RIC8B: variants seen among roughly 807,000 people sequenced by gnomAD.
The protein encoded by RIC8B is RIC8 guanine nucleotide exchange factor B.
A neutral mutation model predicts 57.5 loss-of-function variants in RIC8B; 16 were observed. The ratio of observed to expected loss-of-function variants is 0.28; its 90% CI spans 0.19 to 0.42. The LOEUF is 0.42. Ranked by LOEUF, RIC8B falls within the 10% of genes least tolerant of loss-of-function variation. RIC8B has a pLI of 1.00. For synonymous variants in RIC8B, 216 were observed against 250.8 expected (o/e 0.86, Z 1.31); for missense variants, 481 against 677.0 (o/e 0.71, Z 3.21).
chr12:106,826,135 T>C (rs1009828146), intron 4 of RIC8B, among the ~76,000 whole-genome samples: 2 of 152,234 alleles, frequency 1.3e-5, no homozygotes, highest in Non-Finnish European at 2.9e-5. Context: ...TATTGAACAC[T>C]TAACTCTGTG....
intron 2 of RIC8B, among the ~76,000 whole-genome samples, chr12:106,799,524 C>T (rs994464342): frequency 2.6e-5 from 4 of 152,186 alleles, no homozygotes; most frequent in Admixed American, 6.5e-5. Flanking sequence ...GCTTTTTTTA[C>T]TTCAACTATA....
intron 4 of RIC8B, among the ~76,000 whole-genome samples, chr12:106,830,950 G>A (rs1431056282): frequency 6.6e-6 from 1 of 152,196 alleles, no homozygotes; most frequent in East Asian, 1.9e-4. Flanking sequence ...AAAGGGCAAT[G>A]TAAGTATGGT....
intron 3 of RIC8B, among the ~76,000 whole-genome samples, chr12:106,816,250 T>C (rs1477282284): frequency 1.3e-5 from 2 of 152,214 alleles, no homozygotes; most frequent in Non-Finnish European, 2.9e-5. Flanking sequence ...TTGAAACACT[T>C]CTCACCCATG....
intron 1 of RIC8B, among the ~76,000 whole-genome samples, chr12:106,782,531 C>T (rs970312633): frequency 2.0e-5 from 3 of 152,176 alleles, no homozygotes; most frequent in Admixed American, 6.5e-5. Context: ...ACACCTCCGT[C>T]GTAGTCTTCC....
chr12:106,869,992 G>C (rs993100301), intron 8 of RIC8B, among the ~76,000 whole-genome samples: 1 of 151,832 alleles, frequency 6.6e-6, no homozygotes, highest in African/African-American at 2.4e-5. Context: ...ACAAGATACT[G>C]TGATCTCTTG....
Position 106,888,429 on chromosome 12 carries a change from C to G in RIC8B, c.*2414C>G, listed in dbSNP as rs937414880. The G allele has an allele frequency of 6.6e-6, 1 of 152,584 alleles. No individual in the cohort carries two copies. The highest frequency in any genetic ancestry group is 1.5e-5 in the Non-Finnish European group (1 of 68,076). 9.5% of individuals were successfully genotyped at this position (152,584 alleles called of 1,614,324 possible). A position where few individuals can be genotyped will look rare whatever the true frequency, so the allele number is the denominator to read the frequency against. On this transcript the variant is annotated 3_prime_UTR_variant, in exon 10 of 10. Transcript: ENST00000392837. ...CCTTATCGCATATGAAAGATCCTCT[C>G]CAGAAAGCTTATGAAAGTTACCCCA...
intron 4 of RIC8B, among the ~76,000 whole-genome samples, chr12:106,830,903 A>G (rs2046326594): frequency 6.6e-6 from 1 of 152,194 alleles, no homozygotes; most frequent in African/African-American, 2.4e-5. Flanking sequence ...GTTTCCCAGT[A>G]AATTAATTAT....
At chr12:106,838,011 C>T (rs2046695653) in intron 4 of RIC8B, among the ~76,000 whole-genome samples, 1 of 152,102 alleles carries the variant, frequency 6.6e-6, no homozygotes, top group South Asian at 2.1e-4. Context: ...ACACAAAAAG[C>T]TGTACATAGT....
intron 2 of RIC8B, among the ~76,000 whole-genome samples, chr12:106,790,330 A>ATTTAAG: frequency 6.6e-6 from 1 of 152,330 alleles, no homozygotes; most frequent in South Asian, 2.1e-4. Context: ...AGGTAACTAG[A>ATTTAAG]TTTAAGTTGG....
intron 7 of RIC8B, among the ~76,000 whole-genome samples, chr12:106,858,402 C>G (rs145324424): frequency 0.014 from 2,072 of 152,144 alleles, 20 homozygotes; most frequent in South Asian, 0.033. Context: ...GATCTGTGAT[C>G]CTTTGCCTTC....
chr12:106,802,921 T>G (rs2044802731), intron 2 of RIC8B, among the ~76,000 whole-genome samples: 1 of 151,888 alleles, frequency 6.6e-6, no homozygotes, highest in South Asian at 2.1e-4. Flanking sequence ...TTAAAAAAAA[T>G]GAACAGGGCT....
chr12:106,838,168 A>G (rs1371088190), intron 4 of RIC8B, among the ~76,000 whole-genome samples: 1 of 152,222 alleles, frequency 6.6e-6, no homozygotes, highest in African/African-American at 2.4e-5. Flanking sequence ...GAAAGAGTCC[A>G]GAAATAAACT....
chr12:106,833,906 G>A (rs754389096), intron 4 of RIC8B, among the ~76,000 whole-genome samples: 4 of 152,084 alleles, frequency 2.6e-5, no homozygotes, highest in Non-Finnish European at 5.9e-5. Flanking sequence ...TCGAGATCTA[G>A]CTGTTAAAAG....
chr12:106,844,275 G>GT (rs1043397615), intron 6 of RIC8B, among the ~76,000 whole-genome samples: 2 of 152,180 alleles, frequency 1.3e-5, no homozygotes, highest in Admixed American at 6.5e-5. Context: ...CTGAAGAAAG[G>GT]TAAAGCATTT....
At chr12:106,819,090 C>A (rs1004032958) in intron 3 of RIC8B, among the ~76,000 whole-genome samples, 3 of 152,116 alleles carry the variant, frequency 2.0e-5, no homozygotes, top group African/African-American at 7.2e-5. Context: ...AACTATTCTT[C>A]ATTGTATAAT....
chr12:106,792,094 C>G (rs1371395265), intron 2 of RIC8B, among the ~76,000 whole-genome samples: 1 of 152,128 alleles, frequency 6.6e-6, no homozygotes, highest in African/African-American at 2.4e-5. Flanking sequence ...TTTTCAACAT[C>G]TTCATCTCTT....
intron 7 of RIC8B, among the ~76,000 whole-genome samples, chr12:106,855,085 T>C (rs1164666015): frequency 6.6e-6 from 1 of 152,200 alleles, no homozygotes; most frequent in Non-Finnish European, 1.5e-5. Context: ...TTGGTAGGGG[T>C]TCCCCCCCCA....
At chr12:106,846,962 A>T (rs1949220626) in intron 6 of RIC8B, among the ~76,000 whole-genome samples, 1 of 152,196 alleles carries the variant, frequency 6.6e-6, no homozygotes, top group Non-Finnish European at 1.5e-5. Context: ...AGAAAGGCAG[A>T]ACTTAAAGTA....
At chr12:106,869,702 G>A (rs1950312246) in intron 8 of RIC8B, among the ~76,000 whole-genome samples, 2 of 152,194 alleles carry the variant, frequency 1.3e-5, no homozygotes, top group African/African-American at 4.8e-5. Context: ...CACTTCAGGA[G>A]CTGAGGCAGG....
Sources: gnomAD v4.1 joint callset for allele counts (sites outside exome capture counted in the v4.1 genomes callset) on GRCh38, gnomAD v4.1.1 for gene constraint, MANE v1.5 for transcripts, NCBI Gene and HGNC (gene_info 2026-07-23, HGNC 2026-07-21) for gene names.